Variants in PCDH9 observed in about 807,000 individuals in gnomAD.
PCDH9 encodes the protein protocadherin-9.
In PCDH9, 24 loss-of-function variants were observed where a neutral mutation model predicts 70.6. The observed-to-expected ratio is 0.34, with a 90% CI of 0.25 to 0.48. The LOEUF (loss-of-function observed/expected upper bound fraction) is 0.48. Ranked by LOEUF, PCDH9 falls within the 20% of genes least tolerant of loss-of-function variation. PCDH9 has a pLI of 0.99. For missense variants in PCDH9, 1,281 were observed against 1,503.6 expected (o/e 0.85, Z 2.45); for synonymous variants, 562 against 558.5 (o/e 1.01, Z -0.09).
chr13:66,807,800 T>A (rs1314200715), intron 3 of PCDH9, among the ~76,000 whole-genome samples: 1 of 152,240 alleles, frequency 6.6e-6, no homozygotes, highest in Non-Finnish European at 1.5e-5. Flanking sequence ...AATTGATAAA[T>A]ATTAAACTTA....
chr13:66,855,140 G>A (rs998133997), intron 3 of PCDH9, among the ~76,000 whole-genome samples: 2 of 152,080 alleles, frequency 1.3e-5, no homozygotes, highest in African/African-American at 2.4e-5. Context: ...AGGTGTAAAA[G>A]TGGGTTTGGC....
chr13:67,064,887 T>A (rs75258239), intron 2 of PCDH9, among the ~76,000 whole-genome samples: 1 of 143,320 alleles, frequency 7.0e-6, no homozygotes, highest in South Asian at 2.3e-4. Flanking sequence ...TCTGCCTGTG[T>A]GGAAATAGAT....
chr13:66,798,884 C>T (rs2080285592), intron 3 of PCDH9, among the ~76,000 whole-genome samples: 1 of 151,956 alleles, frequency 6.6e-6, no homozygotes, highest in African/African-American at 2.4e-5. Context: ...GGCATGATCT[C>T]TGCTAATTGC....
chr13:66,367,553 C>T (rs970004482), intron 4 of PCDH9, among the ~76,000 whole-genome samples: 2 of 151,962 alleles, frequency 1.3e-5, no homozygotes. Context: ...AATATCACAT[C>T]AAGACTGAAA....
intron 2 of PCDH9, among the ~76,000 whole-genome samples, chr13:66,955,047 G>A (rs2083246219): frequency 6.6e-6 from 1 of 152,172 alleles, no homozygotes; most frequent in South Asian, 2.1e-4. Flanking sequence ...ACAGGCGTGA[G>A]CCACTGAGAT....
chr13:66,713,020 T>C (rs958337391), intron 3 of PCDH9, among the ~76,000 whole-genome samples: 2 of 152,202 alleles, frequency 1.3e-5, no homozygotes, highest in Non-Finnish European at 2.9e-5. Flanking sequence ...TTGTTTGCCA[T>C]TGCTTCCAGT....
At chr13:66,884,118 G>A (rs2081968687) in intron 3 of PCDH9, among the ~76,000 whole-genome samples, 1 of 151,876 alleles carries the variant, frequency 6.6e-6, no homozygotes, top group Admixed American at 6.6e-5. Flanking sequence ...GGCTGGTCTT[G>A]AACTCATGAC....
chr13:67,018,964 C>T (rs1299027391), intron 2 of PCDH9, among the ~76,000 whole-genome samples: 1 of 152,122 alleles, frequency 6.6e-6, no homozygotes, highest in East Asian at 1.9e-4. Context: ...ACTATCACCA[C>T]CTGCCCTAGT....
At chr13:66,373,447 A>T (rs916995152) in intron 4 of PCDH9, among the ~76,000 whole-genome samples, 1 of 152,072 alleles carries the variant, frequency 6.6e-6, no homozygotes. Flanking sequence ...ATTTAACACT[A>T]CTGAACTATA....
At chr13:66,768,406 T>A (rs2079753833) in intron 3 of PCDH9, among the ~76,000 whole-genome samples, 1 of 152,070 alleles carries the variant, frequency 6.6e-6, no homozygotes, top group African/African-American at 2.4e-5. Context: ...TAAACTACTA[T>A]AATGTCAATA....
intron 3 of PCDH9, among the ~76,000 whole-genome samples, chr13:66,752,269 G>T (rs2139229225): frequency 6.6e-6 from 1 of 152,234 alleles, no homozygotes; most frequent in Admixed American, 6.5e-5. Context: ...TTATAAAAAG[G>T]CTTTGATCTT....
At chr13:66,870,786 G>A (rs1231734107) in intron 3 of PCDH9, among the ~76,000 whole-genome samples, 1 of 152,108 alleles carries the variant, frequency 6.6e-6, no homozygotes, top group African/African-American at 2.4e-5. Context: ...TGACACTGGT[G>A]GTGGGACTGT....
intron 2 of PCDH9, among the ~76,000 whole-genome samples, chr13:67,022,823 G>A (rs184115573): frequency 8.1e-4 from 124 of 152,238 alleles, no homozygotes; most frequent in Non-Finnish European, 1.4e-3. Context: ...ATTGCTTAAC[G>A]TTCAGACATC....
intron 4 of PCDH9, among the ~76,000 whole-genome samples, chr13:66,527,057 G>T (rs1351524277): frequency 6.6e-6 from 1 of 152,170 alleles, no homozygotes; most frequent in Non-Finnish European, 1.5e-5. Flanking sequence ...CCTGCTTTGT[G>T]TTGAGATGCG....
At chr13:66,484,469 T>C (rs1037528878) in intron 4 of PCDH9, among the ~76,000 whole-genome samples, 2 of 152,182 alleles carry the variant, frequency 1.3e-5, no homozygotes, top group Admixed American at 1.3e-4. Context: ...CATTTCATTA[T>C]TTTTACCTGG....
chr13:66,513,358 G>A (rs1959582387), intron 4 of PCDH9, among the ~76,000 whole-genome samples: 1 of 151,522 alleles, frequency 6.6e-6, no homozygotes, highest in South Asian at 2.1e-4. Context: ...TAAAAATCAT[G>A]CTGTATTATA....
rs1422840110 is a variant in PCDH9 at position 66,825,378 on chromosome 13, C to T, written c.3138+78126G>A. ...TTGAGACGGAGTTTCGCTCTGTCGC[C>T]CAGGCTGGAGTGCAGTGGCGCGATC... On this transcript the variant is annotated intron_variant, in intron 3 of 4. Transcript: ENST00000377865. The T allele has an allele frequency of 2.9e-5, 4 of 138,142 alleles. No individual in the cohort carries two copies. The East Asian group carries it at 6.2e-4, about 21-fold the overall frequency. The allele number at this position is 138,142 out of a possible 1,614,324, so 8.6% of individuals were successfully genotyped here. A position where few individuals can be genotyped will look rare whatever the true frequency, so the allele number is the denominator to read the frequency against.
intron 3 of PCDH9, among the ~76,000 whole-genome samples, chr13:66,864,050 A>G (rs1053701711): frequency 6.6e-6 from 1 of 152,132 alleles, no homozygotes; most frequent in African/African-American, 2.4e-5. Context: ...TAAAACCATT[A>G]GATCTTGTGC....
intron 2 of PCDH9, among the ~76,000 whole-genome samples, chr13:67,070,531 T>G (rs2085740388): frequency 6.6e-6 from 1 of 152,176 alleles, no homozygotes; most frequent in Non-Finnish European, 1.5e-5. Context: ...GTTTCAGTAA[T>G]CTACCTGCTG....
Sources: gnomAD v4.1 joint callset for allele counts (sites outside exome capture counted in the v4.1 genomes callset) on GRCh38, gnomAD v4.1.1 for gene constraint, MANE v1.5 for transcripts, NCBI Gene and HGNC (gene_info 2026-07-23, HGNC 2026-07-21) for gene names.